PRKG1: variants seen among roughly 807,000 people sequenced by gnomAD.
PRKG1 encodes the protein protein kinase cGMP-dependent 1, also known as cGMP-dependent protein kinase 1.
PRKG1 carries 35 observed loss-of-function variants against 88.1 expected under a neutral mutation model. That is an observed-to-expected ratio of 0.40 (90% confidence interval 0.30 to 0.53). The LOEUF is 0.53. Ranked by LOEUF, PRKG1 falls within the 20% of genes least tolerant of loss-of-function variation. PRKG1 has a pLI of 0.59. For missense variants in PRKG1, 540 were observed against 839.8 expected (o/e 0.64, Z 4.41); for synonymous variants, 303 against 292.5 (o/e 1.04, Z -0.37).
At chr10:51,321,753 G>T (rs1052802313) in intron 2 of PRKG1, among the ~76,000 whole-genome samples, 1 of 152,148 alleles carries the variant, frequency 6.6e-6, no homozygotes, top group African/African-American at 2.4e-5. Flanking sequence ...ATGACTAAAA[G>T]AGTATATTTG....
chr10:51,826,500 G>A (rs752617317), intron 4 of PRKG1, among the ~76,000 whole-genome samples: 1 of 152,168 alleles, frequency 6.6e-6, no homozygotes, highest in African/African-American at 2.4e-5. Context: ...AATTTGAGTA[G>A]AGTTTTCTTA....
At chr10:51,804,034 A>C (rs993661426) in intron 3 of PRKG1, among the ~76,000 whole-genome samples, 8 of 152,096 alleles carry the variant, frequency 5.3e-5, no homozygotes, top group African/African-American at 1.9e-4. Context: ...TGAAACTACC[A>C]CGTGGCAACT....
chr10:51,433,658 G>A (rs541263267), intron 2 of PRKG1, among the ~76,000 whole-genome samples: 3 of 152,106 alleles, frequency 2.0e-5, no homozygotes, highest in Non-Finnish European at 4.4e-5. Flanking sequence ...ACGTCCCACC[G>A]TGTGGGTGGT....
chr10:51,562,864 G>C (rs895075106), intron 3 of PRKG1, among the ~76,000 whole-genome samples: 1 of 152,062 alleles, frequency 6.6e-6, no homozygotes, highest in African/African-American at 2.4e-5. Flanking sequence ...GAACTACTAG[G>C]GTCCAGTGAT....
chr10:51,671,662 C>A (rs1360114862), intron 3 of PRKG1, among the ~76,000 whole-genome samples: 1 of 151,594 alleles, frequency 6.6e-6, no homozygotes, highest in Non-Finnish European at 1.5e-5. Context: ...TTTCAGCTCA[C>A]TGCAACCTCC....
In PRKG1 at chr10:51,518,469, A is replaced by G. The variant is rs981249451; in HGVS notation, c.592+50633A>G. On this transcript the variant is annotated intron_variant, in intron 3 of 17. Transcript: ENST00000373980. Reference sequence around the variant, plus strand: ...CTCTTCTGGGTCTAGAGTCTTCAACATGAGACTCTCTTGTAGCATTGACAT... The same window carrying G: ...CTCTTCTGGGTCTAGAGTCTTCAACGTGAGACTCTCTTGTAGCATTGACAT... Among the ~76,000 whole-genome samples the G allele has an allele frequency of 5.3e-4, 80 of 152,354 alleles. 2 individuals are homozygous for G. Among genetic ancestry groups the G allele is most frequent in the Non-Finnish European group, 4.3e-4 (29 of 68,022 alleles).
intron 1 of PRKG1, among the ~76,000 whole-genome samples, chr10:51,065,535 T>C (rs915546122): frequency 3.9e-5 from 6 of 152,088 alleles, no homozygotes; most frequent in Non-Finnish European, 8.8e-5. Flanking sequence ...GCCTCTGATA[T>C]ATTTGATTTG....
At chr10:51,052,547 G>A (rs1372471223) in intron 1 of PRKG1, among the ~76,000 whole-genome samples, 1 of 152,098 alleles carries the variant, frequency 6.6e-6, no homozygotes, top group Non-Finnish European at 1.5e-5. Flanking sequence ...ATATCTCTTT[G>A]TTTTATTTTT....
intron 1 of PRKG1, among the ~76,000 whole-genome samples, chr10:51,059,406 A>ATT (rs1309272880): frequency 6.6e-6 from 1 of 151,846 alleles, no homozygotes; most frequent in African/African-American, 2.4e-5. Flanking sequence ...TCATTTATTT[A>ATT]TTTTTTTAGA....
At chr10:51,696,064 TTG>T (rs1255461307) in intron 3 of PRKG1, 4 of 152,210 alleles carry the variant, frequency 2.6e-5, no homozygotes, top group Admixed American at 6.5e-5. Flanking sequence ...CAATTTTTAA[TTG>T]TCTCATTGGT....
At chr10:51,569,794 G>T (rs1466077634) in intron 3 of PRKG1, among the ~76,000 whole-genome samples, 1 of 151,864 alleles carries the variant, frequency 6.6e-6, no homozygotes, top group East Asian at 1.9e-4. Context: ...TATTTAAAAC[G>T]TATGCCTCCC....
At chr10:51,925,301 C>T (rs1842550999) in intron 5 of PRKG1, among the ~76,000 whole-genome samples, 1 of 151,516 alleles carries the variant, frequency 6.6e-6, no homozygotes, top group Admixed American at 6.6e-5. Context: ...GTCTTTGACT[C>T]CTATTTTGTC....
chr10:51,360,922 C>A lies in PRKG1; in HGVS notation c.479-106801C>A, dbSNP rs555045899. 1.2e-4 allele frequency among the ~76,000 whole-genome samples: 18 copies of A among 151,966 alleles called. No homozygotes were observed. In the East Asian group the frequency reaches 3.1e-3, roughly 26 times the overall value. On this transcript the variant is annotated intron_variant, in intron 2 of 17. Transcript: ENST00000373980. ...TGGTCTAGCAAAATAACCAACCACT[C>A]AGGCATTTTTCACTCTAAGAAACTA...
chr10:51,930,312 T>C (rs1842662031), intron 5 of PRKG1, among the ~76,000 whole-genome samples: 1 of 152,126 alleles, frequency 6.6e-6, no homozygotes, highest in African/African-American at 2.4e-5. Context: ...AGCTGAATGA[T>C]GGCAATGGTT....
At chr10:51,347,799 C>T (rs1326086387) in intron 2 of PRKG1, among the ~76,000 whole-genome samples, 1 of 152,156 alleles carries the variant, frequency 6.6e-6, no homozygotes, top group African/African-American at 2.4e-5. Flanking sequence ...CGGTGGCTCA[C>T]ACCTGTAATC....
intron 3 of PRKG1, among the ~76,000 whole-genome samples, chr10:51,608,806 G>A (rs931076518): frequency 4.6e-5 from 7 of 152,130 alleles, no homozygotes; most frequent in Non-Finnish European, 8.8e-5. Context: ...AATTCTTACT[G>A]CCGGGTGACA....
chr10:51,882,172 G>A (rs1006762961), intron 4 of PRKG1, among the ~76,000 whole-genome samples: 1 of 152,110 alleles, frequency 6.6e-6, no homozygotes, highest in Non-Finnish European at 1.5e-5. Flanking sequence ...AGGAACAAAA[G>A]GAGCTCATTA....
At chr10:52,128,219 C>T (rs1276043141) in intron 7 of PRKG1, 3 of 985,242 alleles carry the variant, frequency 3.0e-6, no homozygotes, top group Middle Eastern at 5.2e-4. Flanking sequence ...GTCGAGTTTC[C>T]ATGAAGGCTG....
intron 2 of PRKG1, among the ~76,000 whole-genome samples, chr10:51,357,347 G>C (rs1842387691): frequency 6.6e-6 from 1 of 151,968 alleles, no homozygotes; most frequent in African/African-American, 2.4e-5. Flanking sequence ...TAACTTCCCT[G>C]AGAGGGAAAG....
Sources: allele counts gnomAD v4.1 joint callset (sites outside exome capture counted in the v4.1 genomes callset), GRCh38; gene constraint gnomAD v4.1.1; transcripts MANE v1.5; gene names NCBI Gene and HGNC (gene_info 2026-07-23, HGNC 2026-07-21).